Variants in SETD2 observed in about 807,000 individuals in gnomAD.
SETD2 encodes the protein histone-lysine N-methyltransferase SETD2.
SETD2 carries 31 observed loss-of-function variants against 242.1 expected under a neutral mutation model. The observed-to-expected ratio is 0.13, with a 90% CI of 0.10 to 0.17. SETD2 has a LOEUF of 0.17. SETD2 is among the 10% of genes least tolerant of loss of function. The pLI, the probability that SETD2 is intolerant of heterozygous loss-of-function variation, is 1.00. For synonymous variants in SETD2, 1,006 were observed against 1,066.5 expected (o/e 0.94, Z 1.11); for missense variants, 2,481 against 3,046.3 (o/e 0.81, Z 4.37).
intron 17 of SETD2, 104 bp from the exon 18 acceptor site, chr3:47,037,881 C>A: frequency 1.2e-6 from 1 of 810,786 alleles, no homozygotes. Flanking sequence ...TACAATAAGA[C>A]ATAGAATAAG....
At chr3:47,073,357 T>C (rs2040911327) in intron 12 of SETD2, among the ~76,000 whole-genome samples, 1 of 151,918 alleles carries the variant, frequency 6.6e-6, no homozygotes, top group African/African-American at 2.4e-5. Flanking sequence ...ATTAAAGAAA[T>C]ATGAAATACT....
At chr3:47,078,413 T>TTC in intron 12 of SETD2, among the ~76,000 whole-genome samples, 1 of 151,602 alleles carries the variant, frequency 6.6e-6, no homozygotes, top group Non-Finnish European at 1.5e-5. Flanking sequence ...CTTTAAAATG[T>TTC]GAACTTTATA....
chr3:47,109,334 G>T (rs902151593), intron 5 of SETD2, among the ~76,000 whole-genome samples: 1 of 152,160 alleles, frequency 6.6e-6, no homozygotes, highest in Admixed American at 6.6e-5. Context: ...CAACTTTTCT[G>T]TAAGTTTGAA....
rs574200997 is a variant in SETD2, at chr3:47,044,319, T to TGGGCAA, written c.7099-1625_7099-1620dup. Among the ~76,000 whole-genome samples the TGGGCAA allele has an allele frequency of 8.4e-4, 87 of 103,968 alleles. 2 individuals are homozygous for TGGGCAA. The East Asian group carries it at 0.023, about 27-fold the overall frequency. 68.2% of individuals were successfully genotyped at this position (103,968 alleles called of 152,430 possible). A position where few individuals can be genotyped will look rare whatever the true frequency, so the allele number is the denominator to read the frequency against. ...GAGATCAAACCACTGTACTCCAGGC[T>TGGGCAA]GGGCAACAAAGCAAGACTTCATCTC... On this transcript the variant is annotated intron_variant, in intron 16 of 20. Coordinates refer to ENST00000409792, the MANE Select transcript of SETD2 (RefSeq NM_014159.7).
intron 1 of SETD2, among the ~76,000 whole-genome samples, chr3:47,144,361 G>A (rs1017395122): frequency 2.0e-5 from 3 of 151,916 alleles, no homozygotes; most frequent in African/African-American, 4.8e-5. Flanking sequence ...AAGTCCAGCC[G>A]GGTGCAGTGG....
At chr3:47,106,581 G>A (rs1245370426) in intron 5 of SETD2, among the ~76,000 whole-genome samples, 2 of 149,768 alleles carry the variant, frequency 1.3e-5, no homozygotes, top group African/African-American at 4.9e-5. Context: ...GGAGGTAGAG[G>A]CGGGTGGATC....
rs2043837380 is a variant in SETD2, at chr3:47,145,828, A to T, written c.71+18026T>A. Reference sequence around the variant, plus strand: ...GGCCAGGAATTTGAGACTGGCCTGGACAACATAGCGAGGCTCTGTCTCTAC... The same window carrying T: ...GGCCAGGAATTTGAGACTGGCCTGGTCAACATAGCGAGGCTCTGTCTCTAC... On this transcript the variant is annotated intron_variant, in intron 1 of 20. Transcript: ENST00000409792. Among the ~76,000 whole-genome samples the T allele has an allele frequency of 2.0e-5, 3 of 151,950 alleles. No individual in the cohort carries two copies. The South Asian group carries it at 6.2e-4, about 32-fold the overall frequency.
intron 15 of SETD2, among the ~76,000 whole-genome samples, chr3:47,055,884 G>A (rs2040035422): frequency 6.7e-6 from 1 of 150,310 alleles, no homozygotes; most frequent in Non-Finnish European, 1.5e-5. Flanking sequence ...GTGGTGGTGG[G>A]CGCCTGTAGT....
chr3:47,131,612 A>G (rs775422584), intron 1 of SETD2, among the ~76,000 whole-genome samples: 2 of 152,148 alleles, frequency 1.3e-5, no homozygotes, highest in African/African-American at 4.8e-5. Flanking sequence ...AAGTGCTGGG[A>G]TTACAGGCGT....
chr3:47,044,604 T>C (rs2039439841), intron 16 of SETD2, among the ~76,000 whole-genome samples: 1 of 152,170 alleles, frequency 6.6e-6, no homozygotes, highest in Admixed American at 6.5e-5. Flanking sequence ...TTTAGTTTTT[T>C]CAGTTGTTTC....
At chr3:47,150,871 G>A (rs2043967836) in intron 1 of SETD2, among the ~76,000 whole-genome samples, 1 of 149,408 alleles carries the variant, frequency 6.7e-6, no homozygotes, top group Non-Finnish European at 1.5e-5. Context: ...AGTGAGCCGT[G>A]ATCGTGCCAC....
At chr3:47,144,738 C>T (rs956234174) in intron 1 of SETD2, among the ~76,000 whole-genome samples, 1 of 152,108 alleles carries the variant, frequency 6.6e-6, no homozygotes, top group Non-Finnish European at 1.5e-5. Context: ...GAGGTCGAGG[C>T]GGGTGGATCA....
At chr3:47,097,881 A>G in intron 9 of SETD2, 74 bp downstream of exon 9, 1 of 1,489,188 alleles carries the variant, frequency 6.7e-7, no homozygotes. Flanking sequence ...ATGACTTTAT[A>G]ACCTTCAATC....
At chr3:47,117,261 C>CAAAAAAAAAAAAAAAA (rs5848820) in intron 3 of SETD2, among the ~76,000 whole-genome samples, 12 of 66,480 alleles carry the variant, frequency 1.8e-4, no homozygotes, top group Middle Eastern at 9.8e-3. Context: ...CCTGCATTAC[C>CAAAAAAAAAAAAAAAA]AAAAAAAAAA....
At chr3:47,073,776 C>A (rs1211390313) in intron 12 of SETD2, among the ~76,000 whole-genome samples, 1 of 152,086 alleles carries the variant, frequency 6.6e-6, no homozygotes, top group African/African-American at 2.4e-5. Flanking sequence ...AAAATTAAAT[C>A]AAAACTGCAA....
In SETD2 at chr3:47,164,072, C is replaced by T. The variant is rs1377198567; in HGVS notation, c.-148G>A. 5.9e-6 allele frequency: 7 copies of T among 1,194,946 alleles called. No individual in the cohort carries two copies. Among genetic ancestry groups the T allele is most frequent in the African/African-American group, 4.8e-5 (3 of 62,970 alleles). 74.0% of individuals were successfully genotyped at this position (1,194,946 alleles called of 1,614,324 possible). A position where few individuals can be genotyped will look rare whatever the true frequency, so the allele number is the denominator to read the frequency against. ...GGGCGGCCCGCGTCGCTACCTCGCTCGTCGCTCCCTCCCTCCCTCGGACGC... is the reference window on the plus strand; with the variant it reads ...GGGCGGCCCGCGTCGCTACCTCGCTTGTCGCTCCCTCCCTCCCTCGGACGC... On this transcript the variant is annotated 5_prime_UTR_variant, in exon 1 of 21. Transcript: ENST00000409792. The surrounding 1 kb of genome is among the most constrained non-coding windows in gnomAD (Gnocchi z 5.4).
rs549225206 is a variant in SETD2 at position 47,094,835 on chromosome 3, A to G, written c.5142+3120T>C. On this transcript the variant is annotated intron_variant, in intron 9 of 20. Coordinates refer to ENST00000409792, the MANE Select transcript of SETD2 (RefSeq NM_014159.7). Reference sequence around the variant, plus strand: ...CTGGAGCAACCGATGACTGTAGCCTATGGAATGACTGGATACAAGTTACAT... The same window carrying G: ...CTGGAGCAACCGATGACTGTAGCCTGTGGAATGACTGGATACAAGTTACAT... Among the ~76,000 whole-genome samples, 3 of 152,348 alleles carry G rather than the reference A, an allele frequency of 2.0e-5. No homozygotes were observed. The East Asian group carries it at 5.8e-4, about 29-fold the overall frequency.
intron 3 of SETD2, chr3:47,119,823 C>G: frequency 2.1e-6 from 1 of 482,526 alleles, no homozygotes; most frequent in Non-Finnish European, 4.2e-6. Context: ...CCACTTTTTT[C>G]TTCTCTAAGT....
intron 12 of SETD2, among the ~76,000 whole-genome samples, chr3:47,076,775 A>G (rs923259794): frequency 2.6e-5 from 4 of 152,248 alleles, no homozygotes; most frequent in Non-Finnish European, 5.9e-5. Context: ...GAAGAGGTGA[A>G]TATGTATGAG....
Sources: allele counts gnomAD v4.1 joint callset (sites outside exome capture counted in the v4.1 genomes callset), GRCh38; gene constraint gnomAD v4.1.1; non-coding constraint Gnocchi (gnomAD v3.1); transcripts MANE v1.5; gene names NCBI Gene and HGNC (gene_info 2026-07-23, HGNC 2026-07-21).